PRKN: variants seen among roughly 807,000 people sequenced by gnomAD.
The protein encoded by PRKN is E3 ubiquitin-protein ligase parkin.
A neutral mutation model predicts 59.5 loss-of-function variants in PRKN; 56 were observed. That is an observed-to-expected ratio of 0.94 (90% CI 0.76 to 1.18). The LOEUF is 1.18. Ranked by LOEUF, PRKN falls within the 50% of genes most tolerant of loss-of-function variation. The pLI is 0.00. For missense variants in PRKN, 657 were observed against 596.4 expected, an observed-to-expected ratio of 1.10 and a Z score of -1.06; for synonymous variants, 250 against 222.1, an observed-to-expected ratio of 1.13 and a Z score of -1.12.
At chr6:162,034,217 A>C (rs1415227706) in intron 5 of PRKN, among the ~76,000 whole-genome samples, 1 of 149,252 alleles carries the variant, frequency 6.7e-6, no homozygotes, top group Non-Finnish European at 1.5e-5. Flanking sequence ...AGAGAGAGAG[A>C]GAGTGTCTAC....
intron 5 of PRKN, among the ~76,000 whole-genome samples, chr6:161,974,180 C>T (rs2128252232): frequency 6.6e-6 from 1 of 151,928 alleles, no homozygotes; most frequent in South Asian, 2.1e-4. Context: ...GGCAGGAAAT[C>T]GCTTGAGCCC....
chr6:162,262,802 A>T, intron 2 of PRKN, 37 bp from the exon 3 acceptor site: 2 of 1,574,236 alleles, frequency 1.3e-6, no homozygotes, highest in Non-Finnish European at 1.7e-6. Context: ...AAAAAAAAAA[A>T]AGGAAATGTC....
intron 1 of PRKN, among the ~76,000 whole-genome samples, chr6:162,706,284 C>A (rs891485403): frequency 6.6e-6 from 1 of 152,132 alleles, no homozygotes; most frequent in African/African-American, 2.4e-5. Flanking sequence ...TTGCTTAGGG[C>A]CAACAGGCGC....
intron 1 of PRKN, among the ~76,000 whole-genome samples, chr6:162,606,516 G>T (rs1415731381): frequency 6.6e-6 from 1 of 152,250 alleles, no homozygotes; most frequent in African/African-American, 2.4e-5. Flanking sequence ...TCATAAACTT[G>T]TTAAGTCAAA....
intron 2 of PRKN, among the ~76,000 whole-genome samples, chr6:162,402,877 C>T (rs1315350000): frequency 6.6e-6 from 1 of 151,902 alleles, no homozygotes; most frequent in African/African-American, 2.4e-5. Flanking sequence ...TGGTTTCACA[C>T]TCCTAGGCTC....
chr6:161,854,114 G>A lies in PRKN; in HGVS notation c.735-68206C>T, dbSNP rs1300817409. Among the ~76,000 whole-genome samples, 3 of 149,246 alleles carry A rather than the reference G, an allele frequency of 2.0e-5. No homozygotes were observed. In the East Asian group the frequency reaches 5.9e-4, roughly 29 times the overall value. On this transcript the variant is annotated intron_variant, in intron 6 of 11. Transcript: ENST00000366898. ...AAAAAAAAAAAAAAAAATTAGCCAGGCATAGTGGCAGGCACCTGTAATCCC... is the reference window on the plus strand; with the variant it reads ...AAAAAAAAAAAAAAAAATTAGCCAGACATAGTGGCAGGCACCTGTAATCCC...
intron 1 of PRKN, among the ~76,000 whole-genome samples, chr6:162,465,942 G>A (rs1198230544): frequency 6.6e-6 from 1 of 152,114 alleles, no homozygotes; most frequent in Non-Finnish European, 1.5e-5. Context: ...ATATCTTAAT[G>A]TATTTTTGTA....
chr6:162,535,125 T>A (rs373648033), intron 1 of PRKN, among the ~76,000 whole-genome samples: 1 of 152,112 alleles, frequency 6.6e-6, no homozygotes, highest in African/African-American at 2.4e-5. Context: ...AAGATCTATA[T>A]CTCACCAGAG....
At chr6:162,686,915 G>A (rs1777579892) in intron 1 of PRKN, among the ~76,000 whole-genome samples, 2 of 152,126 alleles carry the variant, frequency 1.3e-5, no homozygotes, top group Admixed American at 1.3e-4. Flanking sequence ...TTTAGTTACT[G>A]TAGTCTTACA....
chr6:162,366,771 G>A (rs1051778542), intron 2 of PRKN, among the ~76,000 whole-genome samples: 2 of 151,972 alleles, frequency 1.3e-5, no homozygotes, highest in Non-Finnish European at 2.9e-5. Flanking sequence ...TGGGTGTGGT[G>A]GTACATAATC....
At chr6:161,943,692 T>C (rs1051463612) in intron 6 of PRKN, among the ~76,000 whole-genome samples, 1 of 142,272 alleles carries the variant, frequency 7.0e-6, no homozygotes, top group Non-Finnish European at 1.5e-5. Context: ...CCTGAGGAAA[T>C]ACCCTGAGGG....
Position 161,518,656 on chromosome 6 carries a change from C to T in PRKN, c.1083+30198G>A, listed in dbSNP as rs1429591547. ...GCCCAGCCTCCGCTCACCCAGCCCC[C>T]TAGTGAGGTGAACCACGGCTCCTGT... On this transcript the variant is annotated intron_variant, in intron 9 of 11. Transcript: ENST00000366898. The surrounding 1 kb of genome is among the most constrained non-coding windows in gnomAD (Gnocchi z 5.0). Among the ~76,000 whole-genome samples the T allele has an allele frequency of 6.6e-6, 1 of 152,232 alleles. No individual in the cohort carries two copies. The highest frequency in any genetic ancestry group is 1.9e-4 in the East Asian group (1 of 5,190).
At chr6:162,404,533 T>G (rs1403991178) in intron 2 of PRKN, among the ~76,000 whole-genome samples, 1 of 152,088 alleles carries the variant, frequency 6.6e-6, no homozygotes, top group Non-Finnish European at 1.5e-5. Flanking sequence ...ATTTTGAAAT[T>G]TGGCAAAGGC....
chr6:161,940,436 T>C (rs915835709), intron 6 of PRKN, among the ~76,000 whole-genome samples: 1 of 152,178 alleles, frequency 6.6e-6, no homozygotes, highest in Non-Finnish European at 1.5e-5. Context: ...GTTGATATAA[T>C]GTTGATGTCT....
At chr6:161,394,620 T>C (rs905756875) in intron 9 of PRKN, among the ~76,000 whole-genome samples, 3 of 152,202 alleles carry the variant, frequency 2.0e-5, no homozygotes, top group African/African-American at 7.2e-5. Flanking sequence ...ATCTTTCAGT[T>C]GTGCAGTCTG....
At chr6:162,206,309 T>TAAAAAA (rs1393931957) in intron 3 of PRKN, among the ~76,000 whole-genome samples, 1 of 152,148 alleles carries the variant, frequency 6.6e-6, no homozygotes, top group Non-Finnish European at 1.5e-5. Flanking sequence ...GATATTTCCC[T>TAAAAAA]AAAAATGACA....
intron 1 of PRKN, among the ~76,000 whole-genome samples, chr6:162,667,019 A>G (rs954486211): frequency 2.6e-5 from 4 of 152,126 alleles, no homozygotes; most frequent in African/African-American, 7.2e-5. Flanking sequence ...GGTTACTGCT[A>G]AACTCTAATT....
chr6:161,356,071 G>T lies in PRKN; in HGVS notation c.1285+4017C>A, dbSNP rs975255020. On this transcript the variant is annotated intron_variant, in intron 11 of 11. Coordinates refer to ENST00000366898, the MANE Select transcript of PRKN (RefSeq NM_004562.3). The surrounding 1 kb of genome is among the most constrained non-coding windows in gnomAD (Gnocchi z 7.8). Reference sequence around the variant, plus strand: ...GTCCTGAATTTCGTTAGTGGGTTGGGTATTATGACCAACCAGTAGTCATGG... The same window carrying T: ...GTCCTGAATTTCGTTAGTGGGTTGGTTATTATGACCAACCAGTAGTCATGG... Among the ~76,000 whole-genome samples the T allele has an allele frequency of 2.5e-4, 38 of 152,220 alleles. No homozygotes were observed. Among genetic ancestry groups the T allele is most frequent in the Non-Finnish European group, 7.3e-5 (5 of 68,036 alleles).
chr6:161,590,038 C>G (rs1339266118), intron 7 of PRKN, among the ~76,000 whole-genome samples: 2 of 151,940 alleles, frequency 1.3e-5, no homozygotes, highest in Non-Finnish European at 2.9e-5. Flanking sequence ...ATCCACGCAC[C>G]TTGGCTTCCT....
Sources: gnomAD v4.1 joint callset for allele counts (sites outside exome capture counted in the v4.1 genomes callset) on GRCh38, gnomAD v4.1.1 for gene constraint, Gnocchi (gnomAD v3.1) non-coding constraint, MANE v1.5 for transcripts, NCBI Gene and HGNC (gene_info 2026-07-23, HGNC 2026-07-21) for gene names.